ICA1L: variants seen among roughly 807,000 people sequenced by gnomAD.
The protein encoded by ICA1L is islet cell autoantigen 1 like, also known as islet cell autoantigen 1-like protein.
Under a neutral mutation model 61.3 loss-of-function variants are expected in ICA1L, and 50 were observed. That is an observed-to-expected ratio of 0.82 (90% CI 0.65 to 1.03). The LOEUF (loss-of-function observed/expected upper bound fraction) is 1.03. Ranked by LOEUF, ICA1L falls within the 50% of genes least tolerant of loss-of-function variation. The pLI is 0.00. For synonymous variants in ICA1L, 161 were observed against 191.3 expected (o/e 0.84, Z 1.31); for missense variants, 508 against 556.7 (o/e 0.91, Z 0.88).
chr2:202,860,241 C>T (rs1694873913), intron 1 of ICA1L: 1 of 149,220 alleles, frequency 6.7e-6, no homozygotes, highest in Non-Finnish European at 1.5e-5. Context: ...CACTGCACTC[C>T]AGCCTGGGCA....
intron 12 of ICA1L, among the ~76,000 whole-genome samples, chr2:202,781,875 G>A (rs1323607442): frequency 2.6e-5 from 4 of 152,174 alleles, no homozygotes; most frequent in Middle Eastern, 3.4e-3. Flanking sequence ...ACTCCTACAC[G>A]CAGTTTTTGA....
chr2:202,804,181 C>T (rs988305004), intron 9 of ICA1L, among the ~76,000 whole-genome samples: 1 of 152,168 alleles, frequency 6.6e-6, no homozygotes, highest in African/African-American at 2.4e-5. Context: ...GCCTAAGACC[C>T]CTCCCCTATT....
chr2:202,869,648 G>C (rs1687637951), intron 1 of ICA1L: 2 of 152,102 alleles, frequency 1.3e-5, no homozygotes, highest in Non-Finnish European at 2.9e-5. Flanking sequence ...GTTAATGTCG[G>C]CCTCTGTAAA....
chr2:202,827,603 G>A (rs1693885106), intron 2 of ICA1L, among the ~76,000 whole-genome samples: 2 of 152,010 alleles, frequency 1.3e-5, no homozygotes, highest in African/African-American at 4.8e-5. Context: ...TATAAAACAT[G>A]TCACCCACAG....
In ICA1L at chr2:202,777,675, TGTA is replaced by T. The variant is rs1242676733; in HGVS notation, c.*1855_*1857del. On this transcript the variant is annotated 3_prime_UTR_variant, in exon 13 of 13. Transcript: ENST00000358299. ...TCCAGCCTATACTGTACTTGGCCAT[TGTA>T]GTAGTTTTCTGGAGAGCCTGTGGGC... 6.6e-6 allele frequency: 1 copy of T among 152,166 alleles called. No homozygotes were observed. Among genetic ancestry groups the T allele is most frequent in the Non-Finnish European group, 1.5e-5 (1 of 68,054 alleles). 9.4% of individuals were successfully genotyped at this position (152,166 alleles called of 1,614,324 possible).
At chr2:202,841,619 C>G in intron 1 of ICA1L, 2 of 637,212 alleles carry the variant, frequency 3.1e-6, no homozygotes, top group East Asian at 3.4e-5. Context: ...ATAACTTCCA[C>G]CCAGGACACC....
chr2:202,827,012 A>C (rs1383136766), intron 2 of ICA1L, among the ~76,000 whole-genome samples: 1 of 152,182 alleles, frequency 6.6e-6, no homozygotes, highest in Non-Finnish European at 1.5e-5. Context: ...AATTTTCCTT[A>C]TGAGTTTAGA....
At chr2:202,850,964 A>G (rs1694601168) in intron 1 of ICA1L, among the ~76,000 whole-genome samples, 1 of 151,724 alleles carries the variant, frequency 6.6e-6, no homozygotes, top group Admixed American at 6.6e-5. Flanking sequence ...TACAAGCCAG[A>G]AGAGAGTGGG....
intron 1 of ICA1L, among the ~76,000 whole-genome samples, chr2:202,866,623 G>C (rs1224984535): frequency 1.3e-5 from 2 of 152,152 alleles, no homozygotes; most frequent in Non-Finnish European, 2.9e-5. Context: ...AATTCAAAAT[G>C]TGTAACAGAC....
intron 3 of ICA1L, among the ~76,000 whole-genome samples, chr2:202,823,329 G>A (rs1423594083): frequency 2.6e-5 from 4 of 152,098 alleles, no homozygotes; most frequent in Admixed American, 1.3e-4. Context: ...TAATACAATC[G>A]TCTTCAAGAA....
chr2:202,773,789 A>G lies in ICA1L; in HGVS notation c.*5744T>C. ...GGAAGAATACATACACCGGTATGGT[A>G]ATAGGCAAGAGCAGGCTGTAAAAGC... On this transcript the variant is annotated 3_prime_UTR_variant, in exon 13 of 13. Coordinates refer to ENST00000358299, the MANE Select transcript of ICA1L (RefSeq NM_001288622.3). 1 of 1,389,298 alleles carries G rather than the reference A, an allele frequency of 7.2e-7. No individual in the cohort carries two copies. The highest frequency in any genetic ancestry group is 1.0e-6 in the Non-Finnish European group (1 of 978,198). 86.1% of individuals were successfully genotyped at this position (1,389,298 alleles called of 1,614,324 possible).
At chr2:202,825,145 G>A (rs1300773644) in intron 3 of ICA1L, among the ~76,000 whole-genome samples, 1 of 152,162 alleles carries the variant, frequency 6.6e-6, no homozygotes, top group Non-Finnish European at 1.5e-5. Flanking sequence ...AAGAAAGAGA[G>A]GTTTAAGTGA....
chr2:202,832,687 G>C (rs1435777892), intron 1 of ICA1L, among the ~76,000 whole-genome samples: 1 of 152,084 alleles, frequency 6.6e-6, no homozygotes, highest in Non-Finnish European at 1.5e-5. Flanking sequence ...GCTGATACAA[G>C]AGGATCTCTT....
At position 202,776,352 on chromosome 2, in the gene ICA1L, A is replaced by G. The variant is rs534910369; in HGVS notation, c.*3181T>C. On this transcript the variant is annotated 3_prime_UTR_variant, in exon 13 of 13. Coordinates refer to ENST00000358299, the MANE Select transcript of ICA1L (RefSeq NM_001288622.3). ...TTAAAACACATTTTTATCCAGTATA[A>G]CATAAAGTATAGATATTTCTCCCCA... The G allele has an allele frequency of 1.3e-5, 2 of 151,884 alleles. No individual in the cohort carries two copies. The highest frequency in any genetic ancestry group is 2.9e-5 in the Non-Finnish European group (2 of 68,016). The allele number at this position is 151,884 out of a possible 1,614,324, so 9.4% of individuals were successfully genotyped here.
chr2:202,793,311 AAC>A (rs1306525419), intron 10 of ICA1L, among the ~76,000 whole-genome samples: 1 of 151,848 alleles, frequency 6.6e-6, no homozygotes, highest in Non-Finnish European at 1.5e-5. Flanking sequence ...AGAGACAAAA[AAC>A]ACACATGTAC....
intron 9 of ICA1L, 22 bp downstream of exon 9, chr2:202,811,724 A>G: frequency 6.5e-7 from 1 of 1,530,684 alleles, no homozygotes. Flanking sequence ...ACCATTTCAA[A>G]GTAATAAATT....
At chr2:202,791,320 G>A (rs924318438) in intron 10 of ICA1L, among the ~76,000 whole-genome samples, 21 of 152,070 alleles carry the variant, frequency 1.4e-4, no homozygotes, top group African/African-American at 2.7e-4. Context: ...AGGCAAAATC[G>A]AGAAAATAAA....
At chr2:202,811,279 A>C (rs1488178585) in intron 9 of ICA1L, among the ~76,000 whole-genome samples, 1 of 152,126 alleles carries the variant, frequency 6.6e-6, no homozygotes, top group Non-Finnish European at 1.5e-5. Context: ...TGGGGAAAAT[A>C]GAAAAGAACC....
At chr2:202,799,988 C>T (rs1693045436) in intron 9 of ICA1L, among the ~76,000 whole-genome samples, 2 of 151,624 alleles carry the variant, frequency 1.3e-5, no homozygotes, top group African/African-American at 4.8e-5. Flanking sequence ...AGCGATTCTC[C>T]TGCCTCAGCC....
Sources: allele counts gnomAD v4.1 joint callset (sites outside exome capture counted in the v4.1 genomes callset), GRCh38; gene constraint gnomAD v4.1.1; transcripts MANE v1.5; gene names NCBI Gene and HGNC (gene_info 2026-07-23, HGNC 2026-07-21).